CAST: variants seen among roughly 807,000 people sequenced by gnomAD.
CAST encodes the protein calpastatin.
In CAST, 76 loss-of-function variants were observed where a neutral mutation model predicts 119.6. The ratio of observed to expected loss-of-function variants is 0.64; its 90% confidence interval spans 0.53 to 0.77. The LOEUF (loss-of-function observed/expected upper bound fraction) is 0.77. CAST is among the 30% of genes least tolerant of loss of function. The pLI is 0.00. For missense variants in CAST, 953 were observed against 946.5 expected, an observed-to-expected ratio of 1.01 and a Z score of -0.09; for synonymous variants, 319 against 331.6, an observed-to-expected ratio of 0.96 and a Z score of 0.41.
At chr5:96,114,693 G>A in the CAST span, among the ~76,000 whole-genome samples, 1 of 152,160 alleles carries the variant, frequency 6.6e-6, no homozygotes, top group African/African-American at 2.4e-5. Flanking sequence ...CACTGAAGCA[G>A]CAGGCCATAA....
At chr5:96,526,403 C>T (rs1449505822), upstream of CAST, among the ~76,000 whole-genome samples, 1 of 152,144 alleles carries the variant, frequency 6.6e-6, no homozygotes, top group East Asian at 1.9e-4. Context: ...AAAAGTCTCT[C>T]AGGTGATAAA....
At chr5:96,570,068 A>G (rs1746543719) in intron 1 of CAST, among the ~76,000 whole-genome samples, 1 of 152,216 alleles carries the variant, frequency 6.6e-6, no homozygotes, top group Admixed American at 6.5e-5. Flanking sequence ...ACCCTGATCT[A>G]AAATCCGTTG....
At chr5:96,086,184 G>A in the CAST span, among the ~76,000 whole-genome samples, 1 of 151,940 alleles carries the variant, frequency 6.6e-6, no homozygotes, top group Non-Finnish European at 1.5e-5. Context: ...TTTAAAAATG[G>A]TTGTATTATT....
intron 22 of CAST, 142 bp from the exon 23 acceptor site, chr5:96,757,302 G>A: frequency 1.3e-6 from 1 of 796,608 alleles, no homozygotes; most frequent in East Asian, 2.4e-5. Context: ...TCTGGTGAGA[G>A]AATCCTTCGT....
At chr5:96,126,255 C>G in the CAST span, among the ~76,000 whole-genome samples, 1 of 151,802 alleles carries the variant, frequency 6.6e-6, no homozygotes, top group Non-Finnish European at 1.5e-5. Flanking sequence ...TATGGGACTT[C>G]TGAAAAAAAA....
At position 96,614,948 on chromosome 5, in the gene CAST, A is replaced by AGTAGG. The variant is rs1190818020; in HGVS notation, c.61-60590_61-60586dup. Among the ~76,000 whole-genome samples the AGTAGG allele has an allele frequency of 5.3e-5, 8 of 152,308 alleles. No individual in the cohort carries two copies. The East Asian group carries it at 7.7e-4, about 15-fold the overall frequency. ...TCAGCGCTGCCTTGAGTGAGCTGTGAGTAGGCTTTAGCCTAGTATAGGCAG... is the reference window on the plus strand; with the variant it reads ...TCAGCGCTGCCTTGAGTGAGCTGTGAGTAGGGTAGGCTTTAGCCTAGTATAGGCAG... On this transcript the variant is annotated intron_variant, in intron 1 of 11. Coordinates refer to the CAST transcript ENST00000505143.
upstream of CAST, among the ~76,000 whole-genome samples, chr5:96,526,292 G>C (rs940327486): frequency 6.6e-6 from 1 of 152,198 alleles, no homozygotes; most frequent in African/African-American, 2.4e-5. Flanking sequence ...GAAGGAATAG[G>C]GGTTTGGGGA....
At chr5:96,034,299 A>G in the CAST span, among the ~76,000 whole-genome samples, 32 of 152,128 alleles carry the variant, frequency 2.1e-4, 1 homozygote, top group East Asian at 6.0e-3. Flanking sequence ...AAAATGAGAA[A>G]AGATAACTAG....
chr5:96,071,232 A>G, the CAST span, among the ~76,000 whole-genome samples: 1 of 151,580 alleles, frequency 6.6e-6, no homozygotes, highest in African/African-American at 2.4e-5. Context: ...ACTTCACCCT[A>G]TATTTCCTAA....
At chr5:96,729,446 A>G (rs1759997853) in intron 7 of CAST, 166 bp from the exon 8 acceptor site, 7 of 617,896 alleles carry the variant, frequency 1.1e-5, no homozygotes, top group Non-Finnish European at 2.1e-5. Context: ...AAATTGTCAC[A>G]TGTACATCAC....
chr5:96,126,211 T>C, the CAST span, among the ~76,000 whole-genome samples: 2 of 152,158 alleles, frequency 1.3e-5, no homozygotes, highest in African/African-American at 4.8e-5. Context: ...TATTAATAAT[T>C]TCTCAAACTC....
chr5:96,744,484 C>T (rs1763337887), intron 16 of CAST, among the ~76,000 whole-genome samples: 1 of 152,184 alleles, frequency 6.6e-6, no homozygotes, highest in African/African-American at 2.4e-5. Context: ...GCTCCGCCCC[C>T]ATGATTCAAT....
chr5:96,710,464 T>A (rs1055348477), intron 3 of CAST, among the ~76,000 whole-genome samples: 23 of 152,088 alleles, frequency 1.5e-4, no homozygotes, highest in African/African-American at 5.6e-4. Flanking sequence ...CTTCTTGCCC[T>A]TTTTCCTTTG....
chr5:96,561,025 A>C (rs1336242898), intron 1 of CAST, among the ~76,000 whole-genome samples: 1 of 152,226 alleles, frequency 6.6e-6, no homozygotes, highest in African/African-American at 2.4e-5. Flanking sequence ...TGCAGCCATA[A>C]AAAAGGATGA....
chr5:96,136,698 C>T, the CAST span, among the ~76,000 whole-genome samples: 1 of 152,176 alleles, frequency 6.6e-6, no homozygotes, highest in Non-Finnish European at 1.5e-5. Flanking sequence ...TAATTTATTA[C>T]TACCTGTGTA....
intron 3 of CAST, among the ~76,000 whole-genome samples, chr5:96,696,554 T>C (rs530102666): frequency 4.0e-5 from 6 of 151,840 alleles, no homozygotes; most frequent in South Asian, 2.1e-4. Context: ...GGCAAGAAAA[T>C]GGCCAGGCAC....
At chr5:96,496,966 C>CG in the CAST span, among the ~76,000 whole-genome samples, 1 of 151,292 alleles carries the variant, frequency 6.6e-6, no homozygotes, top group Non-Finnish European at 1.5e-5. Flanking sequence ...CCCAGTAACT[C>CG]GTCATTTAAC....
At chr5:96,453,726 G>C in the CAST span, among the ~76,000 whole-genome samples, 1 of 152,258 alleles carries the variant, frequency 6.6e-6, no homozygotes, top group East Asian at 1.9e-4. Flanking sequence ...CAGGTAACTA[G>C]ACTCAATAAA....
chr5:96,105,732 G>T, the CAST span, among the ~76,000 whole-genome samples: 28 of 152,296 alleles, frequency 1.8e-4, no homozygotes, highest in Middle Eastern at 3.4e-3. Context: ...TTTGGTATCA[G>T]GATGATGCTG....
Sources: gnomAD v4.1 joint callset for allele counts (sites outside exome capture counted in the v4.1 genomes callset) on GRCh38, gnomAD v4.1.1 for gene constraint, MANE v1.5 for transcripts, NCBI Gene and HGNC (gene_info 2026-07-23, HGNC 2026-07-21) for gene names.